MTMR3: variants seen among roughly 807,000 people sequenced by gnomAD.
MTMR3 encodes myotubularin related protein 3.
In MTMR3, 32 loss-of-function variants were observed where a neutral mutation model predicts 132.4. The observed-to-expected ratio is 0.24, with a 90% CI of 0.18 to 0.32. The LOEUF is 0.32. MTMR3 is among the 10% of genes least tolerant of loss of function. The probability of loss-of-function intolerance (pLI) is 1.00; values close to 1 mark genes in which losing one functional copy is unlikely to be tolerated. For synonymous variants in MTMR3, 556 were observed against 550.3 expected (o/e 1.01, Z -0.14); for missense variants, 1,216 against 1,489.6 (o/e 0.82, Z 3.02).
intron 1 of MTMR3, among the ~76,000 whole-genome samples, chr22:29,931,315 A>G (rs1338943972): frequency 1.3e-5 from 2 of 152,246 alleles, no homozygotes; most frequent in Non-Finnish European, 2.9e-5. Context: ...ATCATTATAT[A>G]CAATGACTTT....
chr22:30,007,247 G>A lies in MTMR3; in HGVS notation c.805G>A (p.Gly269Ser). ...TTGTGCCTCTGACTCCCGATCGAGTGGCAGCAAGCTGTCAACTAGGAACAC... is the reference window on the plus strand; with the variant it reads ...TTGTGCCTCTGACTCCCGATCGAGTAGCAGCAAGCTGTCAACTAGGAACAC... ...KACASDSRSSGSKLSTRNTSR... is the reference protein window; with the variant it reads ...KACASDSRSSSSKLSTRNTSR... The change falls in exon 10 of 20, where the codon GGC becomes AGC. Residue 269 changes from glycine to serine, a missense_variant. Physicochemically the swap from Gly to Ser is moderately conservative, Grantham distance 56 (BLOSUM62 0). This residue lies in a region of MTMR3 where 129 missense variants were observed against 245.7 expected (regional missense o/e 0.53). Transcript: ENST00000401950. 2 of 1,614,206 alleles carry A rather than the reference G, an allele frequency of 1.2e-6. No individual in the cohort carries two copies. Among genetic ancestry groups the A allele is most frequent in the Non-Finnish European group, 1.7e-6 (2 of 1,180,036 alleles).
Position 30,027,069 on chromosome 22 carries a change from A to G in MTMR3, c.*1268A>G, listed in dbSNP as rs899796429. The stretch of plus-strand genomic sequence containing the variant: ...CAGTGAGCTTTGATATGGTCCAAAA[A>G]CAGCCTTAAATCAAGAATATTTGTG... On this transcript the variant is annotated 3_prime_UTR_variant, in exon 20 of 20. Transcript: ENST00000401950. 2.0e-5 allele frequency: 3 copies of G among 152,774 alleles called. No individual in the cohort carries two copies. Among genetic ancestry groups the G allele is most frequent in the African/African-American group, 7.2e-5 (3 of 41,448 alleles). 9.5% of individuals were successfully genotyped at this position (152,774 alleles called of 1,614,324 possible). A position where few individuals can be genotyped will look rare whatever the true frequency, so the allele number is the denominator to read the frequency against.
At chr22:29,977,725 T>C (rs1214101266) in intron 3 of MTMR3, among the ~76,000 whole-genome samples, 1 of 152,246 alleles carries the variant, frequency 6.6e-6, no homozygotes, top group African/African-American at 2.4e-5. Context: ...TTCCTTACTC[T>C]TGCCCCAGTT....
chr22:29,904,820 TTGTGTGTG>T (rs58144404), intron 1 of MTMR3, among the ~76,000 whole-genome samples: 32,953 of 150,734 alleles, frequency 0.22, 3,950 homozygotes, highest in Middle Eastern at 0.38. Context: ...TGTGTGTGTG[TTGTGTGTG>T]TGTGTGTGTG....
chr22:30,020,201 A>T lies in MTMR3; in HGVS notation c.2542A>T (p.Met848Leu). The T allele has an allele frequency of 6.2e-7, 1 of 1,614,188 alleles. No individual in the cohort carries two copies. Among genetic ancestry groups the T allele is most frequent in the Non-Finnish European group, 8.5e-7 (1 of 1,180,018 alleles). The change falls in exon 17 of 20, where the codon ATG becomes TTG. Residue 848 changes from methionine to leucine, a missense_variant. Physicochemically the swap from Met to Leu is conservative, Grantham distance 15. Coordinates refer to ENST00000401950, the MANE Select transcript of MTMR3 (RefSeq NM_021090.4). ...ACCAAACGTGGACAGTTCTACAGAC[A>T]TGTTAGTGGAAGATAAGGTGAAGTC... The part of the protein sequence containing the change: ...RGPNVDSSTD[M>L]LVEDKVKSVS...
chr22:29,893,571 T>G (rs2064837947), intron 1 of MTMR3, among the ~76,000 whole-genome samples: 1 of 152,312 alleles, frequency 6.6e-6, no homozygotes, highest in Non-Finnish European at 1.5e-5. Flanking sequence ...TACTCAGCAG[T>G]AAGTGTAACT....
chr22:29,925,084 G>A (rs558020787), intron 1 of MTMR3, among the ~76,000 whole-genome samples: 1 of 152,284 alleles, frequency 6.6e-6, no homozygotes, highest in East Asian at 1.9e-4. Context: ...CCAGGCTAGA[G>A]TGCAGTAGCA....
At chr22:29,896,519 A>G (rs1256174819) in intron 1 of MTMR3, among the ~76,000 whole-genome samples, 1 of 152,064 alleles carries the variant, frequency 6.6e-6, no homozygotes, top group African/African-American at 2.4e-5. Context: ...CTCCTTTGCA[A>G]CACTTCTTGA....
At chr22:29,885,800 C>G (rs977524458) in intron 1 of MTMR3, among the ~76,000 whole-genome samples, 2 of 152,156 alleles carry the variant, frequency 1.3e-5, no homozygotes, top group African/African-American at 2.4e-5. Flanking sequence ...TGCTGTAGTT[C>G]TAGTTAACAC....
chr22:30,009,784 A>G (rs2067365760), intron 12 of MTMR3: 1 of 152,250 alleles, frequency 6.6e-6, no homozygotes, highest in African/African-American at 2.4e-5. Context: ...TGGACAGATA[A>G]GTATTTAAAA....
At chr22:29,952,354 G>A (rs527958500) in intron 1 of MTMR3, among the ~76,000 whole-genome samples, 33 of 151,788 alleles carry the variant, frequency 2.2e-4, no homozygotes, top group African/African-American at 8.0e-4. Context: ...AAAACTTCCA[G>A]ACCTTAATGT....
intron 1 of MTMR3, among the ~76,000 whole-genome samples, chr22:29,895,488 A>G (rs1452993133): frequency 1.3e-5 from 2 of 152,186 alleles, no homozygotes; most frequent in African/African-American, 4.8e-5. Flanking sequence ...TCCCTGCAAA[A>G]AATTTTCTAG....
intron 9 of MTMR3, 111 bp from the exon 10 acceptor site, chr22:30,007,003 C>T (rs773928418): frequency 8.8e-6 from 10 of 1,133,822 alleles, no homozygotes; most frequent in Non-Finnish European, 1.3e-5. Context: ...TTGAAGCTGA[C>T]CCAACACTTA....
intron 1 of MTMR3, among the ~76,000 whole-genome samples, chr22:29,926,531 C>T (rs1302817433): frequency 3.9e-5 from 6 of 152,144 alleles, no homozygotes; most frequent in Non-Finnish European, 8.8e-5. Context: ...TTAATTTCTC[C>T]ACATTCTTGA....
chr22:29,933,116 G>A (rs994634923), intron 1 of MTMR3, among the ~76,000 whole-genome samples: 1 of 151,956 alleles, frequency 6.6e-6, no homozygotes, highest in Non-Finnish European at 1.5e-5. Context: ...CTACAGGTGC[G>A]TGCCACCAGG....
chr22:29,903,881 T>C (rs536486085), intron 1 of MTMR3, among the ~76,000 whole-genome samples: 8 of 152,236 alleles, frequency 5.3e-5, no homozygotes, highest in African/African-American at 1.7e-4. Flanking sequence ...ACTTGAAATA[T>C]GGTCATTTGG....
At chr22:29,916,499 A>T (rs1241051152) in intron 1 of MTMR3, among the ~76,000 whole-genome samples, 1 of 152,136 alleles carries the variant, frequency 6.6e-6, no homozygotes, top group African/African-American at 2.4e-5. Context: ...CTGCCTCAAA[A>T]TACAAAGCTT....
Position 30,022,650 on chromosome 22 carries a change from T to C in MTMR3, c.3378T>C (p.Tyr1126=). The C allele has an allele frequency of 6.2e-7, 1 of 1,612,466 alleles. No homozygotes were observed. The highest frequency in any genetic ancestry group is 8.5e-7 in the Non-Finnish European group (1 of 1,180,000). Residue 1126 remains tyrosine (Y), a synonymous_variant, in exon 19 of 20, where the codon TAT becomes TAC. Transcript: ENST00000401950. The part of the protein sequence containing the change: ...WLPDHLAAHC[Y]ACDSAFWLAS... ...CTGACCACCTGGCCGCCCACTGCTA[T>C]GCGTGCGACAGTGCCTTCTGGCTTG...
chr22:29,956,367 C>G (rs941775887), intron 1 of MTMR3, among the ~76,000 whole-genome samples: 1 of 152,092 alleles, frequency 6.6e-6, no homozygotes, highest in African/African-American at 2.4e-5. Flanking sequence ...CTGCCTCAGC[C>G]TCCTGAATAG....
Sources: gnomAD v4.1 joint callset for allele counts (sites outside exome capture counted in the v4.1 genomes callset) on GRCh38, gnomAD v4.1.1 for gene constraint, gnomAD v4.1.1 regional missense constraint, MANE v1.5 for transcripts, NCBI Gene and HGNC (gene_info 2026-07-23, HGNC 2026-07-21) for gene names.